Variants in AFAP1L1 observed in about 807,000 individuals in gnomAD.
AFAP1L1 encodes the protein actin filament-associated protein 1-like 1.
AFAP1L1 carries 77 observed loss-of-function variants against 99.8 expected under a neutral mutation model. That is an observed-to-expected ratio of 0.77 (90% CI 0.64 to 0.93). The LOEUF (loss-of-function observed/expected upper bound fraction) is 0.93, where lower values mean the gene tolerates loss of function less well. Ranked by LOEUF, AFAP1L1 falls within the 40% of genes least tolerant of loss-of-function variation. The pLI is 0.00. For synonymous variants in AFAP1L1, 373 were observed against 395.3 expected, an observed-to-expected ratio of 0.94 and a Z score of 0.67; for missense variants, 893 against 996.8, an observed-to-expected ratio of 0.90 and a Z score of 1.40.
At chr5:149,339,496 A>G (rs1052742594) in intron 18 of AFAP1L1, among the ~76,000 whole-genome samples, 17 of 152,184 alleles carry the variant, frequency 1.1e-4, no homozygotes, top group Admixed American at 3.9e-4. Context: ...CTAGCCCAAT[A>G]AAACTTATTT....
Position 149,322,600 on chromosome 5 carries a change from C to T in AFAP1L1, c.1699-6C>T. 7 of 1,561,374 alleles carry T rather than the reference C, an allele frequency of 4.5e-6. No individual in the cohort carries two copies. Among genetic ancestry groups the T allele is most frequent in the Non-Finnish European group, 6.1e-6 (7 of 1,151,214 alleles). ...AACTTGACTGTCTTCCTCCATCTCC[C>T]ACCAGGACGAGGAGCCCGAGCGCCC... On this transcript the variant is annotated splice_region_variant and splice_polypyrimidine_tract_variant and intron_variant, in intron 14 of 18. Coordinates refer to ENST00000296721, the MANE Select transcript of AFAP1L1 (RefSeq NM_152406.4).
chr5:149,298,528 C>T (rs900491182), intron 1 of AFAP1L1, among the ~76,000 whole-genome samples: 5 of 152,088 alleles, frequency 3.3e-5, no homozygotes, highest in Non-Finnish European at 7.4e-5. Context: ...ACTTGATATA[C>T]GATTTAAATG....
chr5:149,305,032 T>C (rs2127595339), intron 5 of AFAP1L1, among the ~76,000 whole-genome samples: 1 of 152,272 alleles, frequency 6.6e-6, no homozygotes, highest in Middle Eastern at 3.4e-3. Flanking sequence ...CAGCAAACTG[T>C]GTGTGGCTTG....
Position 149,301,250 on chromosome 5 carries a change from C to T in AFAP1L1, c.327+20C>T, listed in dbSNP as rs763833908. 6 of 1,610,214 alleles carry T rather than the reference C, an allele frequency of 3.7e-6. No homozygotes were observed. The highest frequency in any genetic ancestry group is 1.1e-5 in the South Asian group (1 of 90,966). ...AGAAACGTGAGTCATGGCCTGGGTTCCCACACCTCAGGGCCTCTGTCCCTC... is the reference window on the plus strand; with the variant it reads ...AGAAACGTGAGTCATGGCCTGGGTTTCCACACCTCAGGGCCTCTGTCCCTC... On this transcript the variant is annotated intron_variant, in intron 4 of 18. Coordinates refer to ENST00000296721, the MANE Select transcript of AFAP1L1 (RefSeq NM_152406.4).
intron 1 of AFAP1L1, among the ~76,000 whole-genome samples, chr5:149,277,540 C>G (rs115059574): frequency 0.022 from 3,394 of 152,300 alleles, 59 homozygotes; most frequent in African/African-American, 0.053. Flanking sequence ...CATACCTCTT[C>G]CCTGACATCC....
At position 149,332,959 on chromosome 5, in the gene AFAP1L1, G is replaced by C. The variant is rs1416238615; in HGVS notation, c.2154+86G>C. On this transcript the variant is annotated intron_variant, in intron 17 of 18. Coordinates refer to ENST00000296721, the MANE Select transcript of AFAP1L1 (RefSeq NM_152406.4). ...ATCTCTTCTTCATGATCATTCTTTG[G>C]AGGTAGGGGTTATGCCCACTTACAG... 20 of 1,430,442 alleles carry C rather than the reference G, an allele frequency of 1.4e-5. No homozygotes were observed. The South Asian group carries it at 2.3e-4, about 16-fold the overall frequency. The allele number at this position is 1,430,442 out of a possible 1,614,324, so 88.6% of individuals were successfully genotyped here. A position where few individuals can be genotyped will look rare whatever the true frequency, so the allele number is the denominator to read the frequency against.
intron 6 of AFAP1L1, 97 bp from the exon 7 acceptor site, chr5:149,307,305 C>T: frequency 7.5e-7 from 1 of 1,332,372 alleles, no homozygotes; most frequent in Non-Finnish European, 1.1e-6. Flanking sequence ...CCATGCCTTC[C>T]TAGCCTCAGT....
chr5:149,299,065 G>A (rs947286154), intron 1 of AFAP1L1, among the ~76,000 whole-genome samples: 3 of 152,370 alleles, frequency 2.0e-5, no homozygotes, highest in Middle Eastern at 3.4e-3. Flanking sequence ...TGATGGGACA[G>A]GAAGGCTCTC....
intron 5 of AFAP1L1, among the ~76,000 whole-genome samples, chr5:149,305,596 T>C (rs920200393): frequency 1.3e-5 from 2 of 152,096 alleles, no homozygotes; most frequent in Admixed American, 6.6e-5. Context: ...AGAATACAGT[T>C]TGAGACATCC....
intron 18 of AFAP1L1, among the ~76,000 whole-genome samples, chr5:149,337,686 A>T (rs1561689014): frequency 6.6e-6 from 1 of 152,354 alleles, no homozygotes; most frequent in East Asian, 1.9e-4. Context: ...AAGCCAGTGA[A>T]AGGAGACAGA....
At chr5:149,321,292 G>A (rs1449114191) in intron 14 of AFAP1L1, among the ~76,000 whole-genome samples, 1 of 152,146 alleles carries the variant, frequency 6.6e-6, no homozygotes, top group Non-Finnish European at 1.5e-5. Context: ...AGAGTTTAGT[G>A]GCAAGACAGC....
intron 17 of AFAP1L1, 23 bp from the exon 18 acceptor site, chr5:149,335,571 T>C: frequency 6.2e-7 from 1 of 1,611,496 alleles, no homozygotes; most frequent in Non-Finnish European, 8.5e-7. Context: ...CTCACCTATA[T>C]AATTATTTAT....
chr5:149,306,324 A>C lies in AFAP1L1; in HGVS notation c.455A>C (p.His152Pro), dbSNP rs772080451. 6.2e-7 allele frequency: 1 copy of C among 1,613,194 alleles called. No homozygotes were observed. Residue 152 changes from histidine to proline, a missense_variant, in exon 6 of 19, where the codon CAC becomes CCC. By Grantham distance (77) the His-to-Pro change is moderately conservative. Coordinates refer to ENST00000296721, the MANE Select transcript of AFAP1L1 (RefSeq NM_152406.4). ...CCCACAGATGGCTGCAGCCCCTCAC[A>C]CTCGATTGTGGATGGCTACTATGAG... Reference protein sequence around the residue: ...ISSHNGCSPSHSIVDGYYEDA... With the variant: ...ISSHNGCSPSPSIVDGYYEDA...
intron 5 of AFAP1L1, 123 bp from the exon 6 acceptor site, chr5:149,306,183 C>A: frequency 2.8e-6 from 2 of 725,958 alleles, no homozygotes; most frequent in Admixed American, 2.6e-5. Context: ...CTGGCCTGAG[C>A]TGCTCAGAGT....
chr5:149,307,213 C>CT (rs1252176225), intron 6 of AFAP1L1, among the ~76,000 whole-genome samples, 189 bp from the exon 7 acceptor site: 1 of 152,036 alleles, frequency 6.6e-6, no homozygotes, highest in Non-Finnish European at 1.5e-5. Context: ...CGCCACTGTA[C>CT]TCCAGCCTGG....
chr5:149,311,222 T>G (rs1158715250), intron 8 of AFAP1L1, among the ~76,000 whole-genome samples: 1 of 152,178 alleles, frequency 6.6e-6, no homozygotes, highest in Non-Finnish European at 1.5e-5. Flanking sequence ...GATGGAACAT[T>G]TGGTGTTTCT....
Position 149,307,754 on chromosome 5 carries a change from A to C in AFAP1L1, c.747+141A>C, listed in dbSNP as rs1248321542. The C allele has an allele frequency of 7.4e-6, 6 of 808,466 alleles. No homozygotes were observed. In the East Asian group the frequency reaches 1.4e-4, roughly 19 times the overall value. The allele number at this position is 808,466 out of a possible 1,614,324, so 50.1% of individuals were successfully genotyped here. ...AGAAGCTCAAAGGCCCCATGCTCCCAAGATCAGGACTTTCCCCACTGGAGC... is the reference window on the plus strand; with the variant it reads ...AGAAGCTCAAAGGCCCCATGCTCCCCAGATCAGGACTTTCCCCACTGGAGC... On this transcript the variant is annotated intron_variant, in intron 7 of 18. Coordinates refer to ENST00000296721, the MANE Select transcript of AFAP1L1 (RefSeq NM_152406.4).
chr5:149,297,038 G>T (rs749947811), intron 1 of AFAP1L1, among the ~76,000 whole-genome samples: 2 of 152,190 alleles, frequency 1.3e-5, no homozygotes, highest in South Asian at 2.1e-4. Flanking sequence ...CCCATGATAC[G>T]TGGGGATTCT....
chr5:149,273,122 A>G (rs1209790313), intron 1 of AFAP1L1, among the ~76,000 whole-genome samples: 1 of 150,970 alleles, frequency 6.6e-6, no homozygotes, highest in African/African-American at 2.4e-5. Flanking sequence ...TGGGAATCAG[A>G]ACCCCAGGGT....
Sources: allele counts gnomAD v4.1 joint callset (sites outside exome capture counted in the v4.1 genomes callset), GRCh38; gene constraint gnomAD v4.1.1; transcripts MANE v1.5; gene names NCBI Gene and HGNC (gene_info 2026-07-23, HGNC 2026-07-21).